CDC16: variants seen among roughly 807,000 people sequenced by gnomAD.
CDC16 encodes the protein cell division cycle 16, also known as cell division cycle protein 16 homolog.
CDC16 carries 34 observed loss-of-function variants against 87.0 expected under a neutral mutation model. The observed-to-expected ratio is 0.39, with a 90% confidence interval of 0.30 to 0.52. The LOEUF is 0.52. Ranked by LOEUF, CDC16 falls within the 20% of genes least tolerant of loss-of-function variation. The pLI, the probability that CDC16 is intolerant of heterozygous loss-of-function variation, is 0.74. For synonymous variants in CDC16, 263 were observed against 260.6 expected (o/e 1.01, Z -0.09); for missense variants, 653 against 751.9 (o/e 0.87, Z 1.54).
In CDC16 at chr13:114,238,407, C is replaced by G. The variant is rs941371443; in HGVS notation, c.202-583C>G. On this transcript the variant is annotated intron_variant, in intron 3 of 17. Coordinates refer to ENST00000356221, the MANE Select transcript of CDC16 (RefSeq NM_001078645.3). ...TGAAGTGGAGCTGCTGCGAGCTCCTCGGACGCCCAGCAGTTATTCACACTC... is the reference window on the plus strand; with the variant it reads ...TGAAGTGGAGCTGCTGCGAGCTCCTGGGACGCCCAGCAGTTATTCACACTC... Among the ~76,000 whole-genome samples the G allele has an allele frequency of 3.6e-5, 5 of 139,034 alleles. No homozygotes were observed. The East Asian group carries it at 1.0e-3, about 29-fold the overall frequency. 91.2% of individuals were successfully genotyped at this position (139,034 alleles called of 152,430 possible).
chr13:114,259,837 C>T (rs1201610832), intron 14 of CDC16, among the ~76,000 whole-genome samples: 1 of 152,174 alleles, frequency 6.6e-6, no homozygotes, highest in Non-Finnish European at 1.5e-5. Flanking sequence ...TACTGAAATT[C>T]ACACCTTTTG....
At chr13:114,263,417 T>C (rs528109426) in intron 16 of CDC16, among the ~76,000 whole-genome samples, 7 of 152,356 alleles carry the variant, frequency 4.6e-5, no homozygotes, top group Admixed American at 1.3e-4. Context: ...TTAATCCATG[T>C]ACCATATTCC....
intron 6 of CDC16, chr13:114,242,710 G>A (rs1433800853): frequency 1.8e-5 from 3 of 167,046 alleles, no homozygotes; most frequent in Non-Finnish European, 2.6e-5. Flanking sequence ...GTGGTGTGAG[G>A]TGCGTCAACA....
At chr13:114,251,101 G>A (rs937315242) in intron 12 of CDC16, among the ~76,000 whole-genome samples, 2 of 152,198 alleles carry the variant, frequency 1.3e-5, no homozygotes, top group Non-Finnish European at 2.9e-5. Context: ...AACTAAGAAT[G>A]TGTTACTTTG....
intron 12 of CDC16, among the ~76,000 whole-genome samples, chr13:114,256,029 G>A (rs2082475764): frequency 6.6e-6 from 1 of 152,192 alleles, no homozygotes; most frequent in African/African-American, 2.4e-5. Context: ...CTAGGCTAAT[G>A]GCTTTACAAC....
Position 114,265,260 on chromosome 13 carries a change from T to G in CDC16, c.1603+20T>G. Reference sequence around the variant, plus strand: ...ATATTGGTAAGATAATCGTTATTCTTATTGGTATTGTACTCCATTTTTTAG... The same window carrying G: ...ATATTGGTAAGATAATCGTTATTCTGATTGGTATTGTACTCCATTTTTTAG... On this transcript the variant is annotated intron_variant, in intron 17 of 17. Transcript: ENST00000356221. The G allele has an allele frequency of 6.9e-7, 1 of 1,457,624 alleles. No individual in the cohort carries two copies. The highest frequency in any genetic ancestry group is 9.6e-7 in the Non-Finnish European group (1 of 1,038,160). The allele number at this position is 1,457,624 out of a possible 1,614,324, so 90.3% of individuals were successfully genotyped here. A position where few individuals can be genotyped will look rare whatever the true frequency, so the allele number is the denominator to read the frequency against.
chr13:114,243,802 A>G (rs1379613596), intron 7 of CDC16, 54 bp from the exon 8 acceptor site: 4 of 1,477,988 alleles, frequency 2.7e-6, no homozygotes, highest in African/African-American at 1.4e-5. Context: ...TTGAATCCAC[A>G]TTTTATTTTG....
chr13:114,256,999 A>G, intron 12 of CDC16, 79 bp from the exon 13 acceptor site: 1 of 858,074 alleles, frequency 1.2e-6, no homozygotes. Flanking sequence ...TTTTGCAGAT[A>G]GGATTTGAAG....
chr13:114,243,986 C>T lies in CDC16; in HGVS notation c.764C>T (p.Ser255Phe), dbSNP rs2081704403. 6.2e-7 allele frequency: 1 copy of T among 1,606,452 alleles called. No individual in the cohort carries two copies. The highest frequency in any genetic ancestry group is 8.5e-7 in the Non-Finnish European group (1 of 1,173,930). ...CDFKMCYKLT[S>F]VVMEKDPFHA... is the part of the protein sequence containing the mutation. ...TTTAAAATGTGCTACAAGCTTACTT[C>T]TGTGTAAGTATATCCATCCATTTTT... The change falls in exon 8 of 18, where the codon TCT becomes TTT. Residue 255 changes from serine (S) to phenylalanine (F), a missense_variant. Coordinates refer to ENST00000356221, the MANE Select transcript of CDC16 (RefSeq NM_001078645.3).
chr13:114,249,438 C>G (rs2082044848), intron 11 of CDC16, among the ~76,000 whole-genome samples: 1 of 152,054 alleles, frequency 6.6e-6, no homozygotes, highest in South Asian at 2.1e-4. Flanking sequence ...AGGCCAGGGA[C>G]TGATACCAGT....
chr13:114,235,379 C>T (rs548263889), intron 1 of CDC16, among the ~76,000 whole-genome samples: 1 of 152,342 alleles, frequency 6.6e-6, no homozygotes, highest in Admixed American at 6.5e-5. Context: ...CGGGTCTGAG[C>T]CTCGTTCTGC....
chr13:114,236,972 A>C, intron 3 of CDC16, 76 bp downstream of exon 3: 1 of 919,340 alleles, frequency 1.1e-6, no homozygotes, highest in Non-Finnish European at 1.6e-6. Flanking sequence ...GCGGTGGCTT[A>C]CACCTGTAAT....
intron 1 of CDC16, 62 bp from the exon 2 acceptor site, chr13:114,236,583 A>T (rs1413580519): frequency 2.1e-5 from 29 of 1,365,684 alleles, no homozygotes; most frequent in Non-Finnish European, 2.9e-5. Flanking sequence ...AATATTAGAT[A>T]ACTGTTTAAG....
rs766503573 is a variant in CDC16, at chr13:114,250,597, T to C, written c.1020T>C (p.Tyr340=). Residue 340 remains tyrosine, a synonymous_variant, in exon 12 of 18, where the codon TAT becomes TAC. Coordinates refer to ENST00000356221, the MANE Select transcript of CDC16 (RefSeq NM_001078645.3). The part of the protein sequence containing the change: ...EKTYGPAWIA[Y]GHSFAVESEH... Reference sequence around the variant, plus strand: ...CCTATGGACCTGCATGGATAGCCTATGGACATTCATTTGCGGTGGAGAGTG... The same window carrying C: ...CCTATGGACCTGCATGGATAGCCTACGGACATTCATTTGCGGTGGAGAGTG... The C allele has an allele frequency of 3.7e-6, 6 of 1,613,904 alleles. No homozygotes were observed. In the African/African-American group the frequency reaches 6.7e-5, roughly 18 times the overall value.
rs753778546 is a variant in CDC16, at chr13:114,242,133, A to G, written c.394A>G (p.Ile132Val). The change falls in exon 6 of 18, where the codon ATC (isoleucine) becomes GTC (valine). Residue 132 changes from isoleucine to valine, a missense_variant. Ile to Val is a conservative substitution (Grantham distance 29). Coordinates refer to ENST00000356221, the MANE Select transcript of CDC16 (RefSeq NM_001078645.3). ...ATTTTTCCAACAGATAAAGAGTTCT[A>G]TCTGTCTTCTACGCGGGAAAATCTA... ...EMSQSSIKSS[I>V]CLLRGKIYDA... The G allele has an allele frequency of 4.4e-6, 7 of 1,606,240 alleles. No individual in the cohort carries two copies. The highest frequency in any genetic ancestry group is 4.0e-5 in the African/African-American group (3 of 74,364).
rs765824773 is a variant in CDC16 at position 114,246,007 on chromosome 13, C to T, written c.855C>T (p.Phe285=). Residue 285 remains phenylalanine, a synonymous_variant, in exon 10 of 18, where the codon TTC becomes TTT. Coordinates refer to ENST00000356221, the MANE Select transcript of CDC16 (RefSeq NM_001078645.3). ...LVELNKANEL[F]YLSHKLVDLY... ...CTGCTTTTTCCTGAACAGAACTTTT[C>T]TATCTTTCTCATAAACTGGTGGATT... 1 of 1,485,474 alleles carries T rather than the reference C, an allele frequency of 6.7e-7. No individual in the cohort carries two copies. Among genetic ancestry groups the T allele is most frequent in the Non-Finnish European group, 9.3e-7 (1 of 1,077,680 alleles). 92.0% of individuals were successfully genotyped at this position (1,485,474 alleles called of 1,614,324 possible). A position where few individuals can be genotyped will look rare whatever the true frequency, so the allele number is the denominator to read the frequency against.
Position 114,265,242 on chromosome 13 carries a change from T to C in CDC16, c.1603+2T>C. On this transcript the variant is annotated splice_donor_variant, in intron 17 of 17. Coordinates refer to ENST00000356221, the MANE Select transcript of CDC16 (RefSeq NM_001078645.3). LOFTEE classifies it high-confidence loss of function. ...TTGGTGATTCTGAAGCTTATATTGG[T>C]AAGATAATCGTTATTCTTATTGGTA... The C allele has an allele frequency of 6.4e-7, 1 of 1,560,342 alleles. No homozygotes were observed. The highest frequency in any genetic ancestry group is 2.2e-5 in the East Asian group (1 of 44,662).
At chr13:114,259,271 A>AT in intron 13 of CDC16, 64 bp from the exon 14 acceptor site, 1 of 1,199,396 alleles carries the variant, frequency 8.3e-7, no homozygotes, top group Non-Finnish European at 1.2e-6. Context: ...GTAATCAAAA[A>AT]TTTTTTTAAA....
rs972260237 is a variant in CDC16 at position 114,272,684 on chromosome 13, C to T, written c.*241C>T. The T allele has an allele frequency of 4.5e-5, 16 of 354,586 alleles. No individual in the cohort carries two copies. The highest frequency in any genetic ancestry group is 7.6e-5 in the Non-Finnish European group (15 of 198,662). 22.0% of individuals were successfully genotyped at this position (354,586 alleles called of 1,614,324 possible). On this transcript the variant is annotated 3_prime_UTR_variant, in exon 18 of 18. Transcript: ENST00000356221. ...AAAGAAGGTAAACCATCTGTTATGTCTTTTTTTTTCTTTTCCAATAAACTT... is the reference window on the plus strand; with the variant it reads ...AAAGAAGGTAAACCATCTGTTATGTTTTTTTTTTTCTTTTCCAATAAACTT...
Sources: allele counts gnomAD v4.1 joint callset (sites outside exome capture counted in the v4.1 genomes callset), GRCh38; gene constraint gnomAD v4.1.1; transcripts MANE v1.5; gene names NCBI Gene and HGNC (gene_info 2026-07-23, HGNC 2026-07-21).